Variants in SKAP1 observed in about 807,000 individuals in gnomAD.
SKAP1 encodes the protein src kinase-associated phosphoprotein 1.
Under a neutral mutation model 58.5 loss-of-function variants are expected in SKAP1, and 44 were observed. The ratio of observed to expected loss-of-function variants is 0.75; its 90% CI spans 0.59 to 0.97. The LOEUF (loss-of-function observed/expected upper bound fraction) is 0.97, where lower values mean the gene tolerates loss of function less well. Among genes scored for constraint, SKAP1 ranks in the 50% least tolerant of loss-of-function variants. SKAP1 has a pLI of 0.00. For synonymous variants in SKAP1, 127 were observed against 149.7 expected (o/e 0.85, Z 1.11); for missense variants, 390 against 435.2 (o/e 0.90, Z 0.92).
intron 1 of SKAP1, among the ~76,000 whole-genome samples, chr17:48,417,370 T>A (rs909516879): frequency 7.2e-5 from 11 of 152,206 alleles, no homozygotes; most frequent in Admixed American, 7.2e-4. Context: ...AGATCAAGTT[T>A]TAACTAGCAG....
chr17:48,378,708 C>T (rs1394695278), intron 2 of SKAP1, among the ~76,000 whole-genome samples: 1 of 152,072 alleles, frequency 6.6e-6, no homozygotes, highest in Non-Finnish European at 1.5e-5. Context: ...TCCCACAGCA[C>T]ATCTGTGCAT....
At chr17:48,235,855 A>C (rs937609510) in intron 4 of SKAP1, among the ~76,000 whole-genome samples, 1 of 152,182 alleles carries the variant, frequency 6.6e-6, no homozygotes, top group Admixed American at 6.5e-5. Flanking sequence ...CTATAGTCAA[A>C]TATACCAGAG....
chr17:48,158,253 G>T (rs2064010730), intron 11 of SKAP1, among the ~76,000 whole-genome samples: 2 of 149,208 alleles, frequency 1.3e-5, no homozygotes, highest in African/African-American at 2.5e-5. Flanking sequence ...AAGACTAAAA[G>T]ATTCTCCTCT....
intron 9 of SKAP1, among the ~76,000 whole-genome samples, chr17:48,174,009 A>C (rs2064252698): frequency 6.6e-6 from 1 of 152,194 alleles, no homozygotes; most frequent in Non-Finnish European, 1.5e-5. Context: ...GAAAACTAAA[A>C]CTTAATTCCT....
At chr17:48,410,944 AAAAAAAAAAAAAAG>A (rs1374111246) in intron 1 of SKAP1, among the ~76,000 whole-genome samples, 1 of 141,382 alleles carries the variant, frequency 7.1e-6, no homozygotes, top group Non-Finnish European at 1.5e-5. Context: ...CAAAAAAAAA[AAAAAAAAAAAAAAG>A]AAAGGGGCAC....
chr17:48,423,062 A>C (rs2067815340), intron 1 of SKAP1, among the ~76,000 whole-genome samples: 1 of 152,218 alleles, frequency 6.6e-6, no homozygotes, highest in Non-Finnish European at 1.5e-5. Context: ...CAGAGTCCAT[A>C]GATCAAGCAG....
intron 8 of SKAP1, 122 bp downstream of exon 8, chr17:48,182,272 A>G: frequency 1.5e-6 from 1 of 679,602 alleles, no homozygotes; most frequent in South Asian, 1.8e-5. Context: ...GGAATGTGGT[A>G]GGAAAGGTAG....
chr17:48,238,911 G>T (rs1206416619), intron 4 of SKAP1, among the ~76,000 whole-genome samples: 1 of 152,116 alleles, frequency 6.6e-6, no homozygotes, highest in Non-Finnish European at 1.5e-5. Flanking sequence ...CAAAATAATG[G>T]TTATAAAGTA....
At chr17:48,272,372 TC>T (rs1398379980) in intron 4 of SKAP1, among the ~76,000 whole-genome samples, 1 of 151,792 alleles carries the variant, frequency 6.6e-6, no homozygotes, top group Non-Finnish European at 1.5e-5. Flanking sequence ...CCTCAGGTGA[TC>T]CATCCACCTT....
At chr17:48,417,019 T>TA (rs1259303820) in intron 1 of SKAP1, among the ~76,000 whole-genome samples, 1 of 152,238 alleles carries the variant, frequency 6.6e-6, no homozygotes, top group African/African-American at 2.4e-5. Context: ...GTTTTAAACT[T>TA]ACCTAAAACT....
At chr17:48,246,435 C>T (rs1013984833) in intron 4 of SKAP1, among the ~76,000 whole-genome samples, 1 of 152,164 alleles carries the variant, frequency 6.6e-6, no homozygotes, top group African/African-American at 2.4e-5. Flanking sequence ...TTCTATCTTC[C>T]CCTATCTCTA....
chr17:48,313,553 T>C (rs1466146767), intron 4 of SKAP1, among the ~76,000 whole-genome samples: 1 of 152,306 alleles, frequency 6.6e-6, no homozygotes, highest in South Asian at 2.1e-4. Flanking sequence ...CAATGCATTA[T>C]GCACTACATG....
At position 48,331,932 on chromosome 17, in the gene SKAP1, T is replaced by A. The variant is rs534893167; in HGVS notation, c.280+13973A>T. On this transcript the variant is annotated intron_variant, in intron 4 of 12. Transcript: ENST00000336915. Reference sequence around the variant, plus strand: ...TTCTCAATAAATTATAAACTTTAATTGTGAATTTTTATACAAAATATTATT... The same window carrying A: ...TTCTCAATAAATTATAAACTTTAATAGTGAATTTTTATACAAAATATTATT... Among the ~76,000 whole-genome samples, 10 of 152,304 alleles carry A rather than the reference T, an allele frequency of 6.6e-5. No homozygotes were observed. The South Asian group carries it at 1.7e-3, about 25-fold the overall frequency.
chr17:48,195,806 C>T (rs558686305), intron 4 of SKAP1, among the ~76,000 whole-genome samples: 5 of 151,944 alleles, frequency 3.3e-5, no homozygotes, highest in Non-Finnish European at 7.4e-5. Context: ...CTCATGTTGC[C>T]CTTCTAATTT....
chr17:48,333,876 A>G (rs2066535237), intron 4 of SKAP1, among the ~76,000 whole-genome samples: 1 of 152,030 alleles, frequency 6.6e-6, no homozygotes, highest in Admixed American at 6.5e-5. Context: ...GCAAACATGT[A>G]ATAGATTCCA....
At chr17:48,170,950 A>G (rs1598392096) in intron 9 of SKAP1, among the ~76,000 whole-genome samples, 1 of 151,550 alleles carries the variant, frequency 6.6e-6, no homozygotes, top group Admixed American at 6.6e-5. Context: ...CAGGTGATCC[A>G]CCCTCCTTGG....
intron 4 of SKAP1, among the ~76,000 whole-genome samples, chr17:48,304,335 T>A (rs1000223686): frequency 1.3e-5 from 2 of 152,190 alleles, no homozygotes; most frequent in African/African-American, 2.4e-5. Context: ...TTGGAGTAGA[T>A]TCCTTTGAAA....
intron 4 of SKAP1, among the ~76,000 whole-genome samples, chr17:48,215,629 C>T (rs772587651): frequency 5.3e-5 from 8 of 152,110 alleles, no homozygotes; most frequent in Non-Finnish European, 7.4e-5. Context: ...CATGGCCTCC[C>T]CATTCTTTTT....
intron 2 of SKAP1, among the ~76,000 whole-genome samples, chr17:48,387,541 C>T (rs1022386417): frequency 1.3e-5 from 2 of 152,140 alleles, no homozygotes; most frequent in Non-Finnish European, 2.9e-5. Flanking sequence ...TCAGTTCTTG[C>T]TTTGTGAACT....
Sources: gnomAD v4.1 joint callset for allele counts (sites outside exome capture counted in the v4.1 genomes callset) on GRCh38, gnomAD v4.1.1 for gene constraint, MANE v1.5 for transcripts, NCBI Gene and HGNC (gene_info 2026-07-23, HGNC 2026-07-21) for gene names.